The following EXOC2 variants were observed in gnomAD, a reference collection of about 807,000 sequenced individuals.
EXOC2 encodes the protein SEC5-like 1.
A neutral mutation model predicts 131.8 loss-of-function variants in EXOC2; 70 were observed. The observed-to-expected ratio is 0.53, with a 90% confidence interval of 0.44 to 0.65. EXOC2 has a LOEUF of 0.65. EXOC2 is among the 30% of genes least tolerant of loss of function. The pLI, the probability that EXOC2 is intolerant of heterozygous loss-of-function variation, is 0.00. For missense variants in EXOC2, 923 were observed against 1,108.6 expected, an observed-to-expected ratio of 0.83 and a Z score of 2.38; for synonymous variants, 411 against 398.4, an observed-to-expected ratio of 1.03 and a Z score of -0.38.
chr6:646,398 T>C (rs557420229), intron 1 of EXOC2, among the ~76,000 whole-genome samples: 33 of 152,144 alleles, frequency 2.2e-4, no homozygotes, highest in Non-Finnish European at 3.4e-4. Context: ...CTTCCTGGAG[T>C]TACTAGTCAC....
intron 23 of EXOC2, among the ~76,000 whole-genome samples, chr6:516,074 T>C (rs901021936): frequency 1.4e-4 from 21 of 152,098 alleles, no homozygotes; most frequent in South Asian, 6.2e-4. Flanking sequence ...AGTTTTCCAG[T>C]TCAAAGGAAT....
At chr6:568,986 G>T (rs548214331) in intron 13 of EXOC2, among the ~76,000 whole-genome samples, 1 of 152,276 alleles carries the variant, frequency 6.6e-6, no homozygotes, top group Admixed American at 6.5e-5. Context: ...TAGTTGTGGG[G>T]CAGACCGCTT....
chr6:569,457 A>G (rs955770717), intron 13 of EXOC2, among the ~76,000 whole-genome samples: 1 of 152,258 alleles, frequency 6.6e-6, no homozygotes, highest in Non-Finnish European at 1.5e-5. Context: ...TAATACAACA[A>G]GATAGTTTTA....
chr6:582,730 T>C (rs1758982367), intron 11 of EXOC2, among the ~76,000 whole-genome samples: 1 of 151,730 alleles, frequency 6.6e-6, no homozygotes, highest in African/African-American at 2.4e-5. Flanking sequence ...CTTCTGATTA[T>C]ACATGTATAC....
chr6:494,807 A>G (rs1763621458), intron 25 of EXOC2, among the ~76,000 whole-genome samples: 1 of 152,164 alleles, frequency 6.6e-6, no homozygotes, highest in Non-Finnish European at 1.5e-5. Context: ...TGACTGTATG[A>G]ATATATTAGT....
At position 507,527 on chromosome 6, in the gene EXOC2, C is replaced by T. The variant is rs891922191; in HGVS notation, c.2381-7827G>A. Among the ~76,000 whole-genome samples the T allele has an allele frequency of 3.9e-5, 6 of 152,234 alleles. No individual in the cohort carries two copies. In the South Asian group the frequency reaches 6.2e-4, roughly 16 times the overall value. On this transcript the variant is annotated intron_variant, in intron 23 of 27. Coordinates refer to ENST00000230449, the MANE Select transcript of EXOC2 (RefSeq NM_018303.6). ...AGCAAATGCATGAAATACAATTGTTCAGGCAAACAGCAAAGCTTACATGAG... is the reference window on the plus strand; with the variant it reads ...AGCAAATGCATGAAATACAATTGTTTAGGCAAACAGCAAAGCTTACATGAG...
chr6:608,640 C>T (rs1760553945), intron 7 of EXOC2, among the ~76,000 whole-genome samples: 1 of 152,156 alleles, frequency 6.6e-6, no homozygotes, highest in Non-Finnish European at 1.5e-5. Flanking sequence ...TCTCAAACTA[C>T]TGCTTCAAAG....
At chr6:491,287 G>A in intron 25 of EXOC2, 101 bp from the exon 26 acceptor site, 1 of 1,241,200 alleles carries the variant, frequency 8.1e-7, no homozygotes, top group Non-Finnish European at 1.2e-6. Context: ...ATCGTAGGAT[G>A]GGGTTGGCGT....
chr6:504,818 A>G (rs1398790780), intron 23 of EXOC2, among the ~76,000 whole-genome samples: 2 of 152,220 alleles, frequency 1.3e-5, no homozygotes, highest in East Asian at 3.8e-4. Flanking sequence ...AGGTGGTGAT[A>G]TAAGAAAGTG....
At chr6:596,065 C>A (rs1314823600) in intron 10 of EXOC2, among the ~76,000 whole-genome samples, 1 of 152,036 alleles carries the variant, frequency 6.6e-6, no homozygotes, top group African/African-American at 2.4e-5. Context: ...GTACAATGGG[C>A]ACCGCACAAG....
chr6:690,636 G>A (rs1764880763), intron 1 of EXOC2, among the ~76,000 whole-genome samples: 1 of 152,216 alleles, frequency 6.6e-6, no homozygotes, highest in African/African-American at 2.4e-5. Context: ...CCGGGAGGCA[G>A]AGCTTGCACT....
intron 6 of EXOC2, among the ~76,000 whole-genome samples, chr6:615,822 T>C (rs1242037030): frequency 6.6e-6 from 1 of 152,032 alleles, no homozygotes; most frequent in Non-Finnish European, 1.5e-5. Flanking sequence ...TTAAGTGAAA[T>C]GCCTGAATTT....
In EXOC2 at chr6:666,814, T is replaced by A. The variant is rs867582751; in HGVS notation, c.-44+26205A>T. Among the ~76,000 whole-genome samples, 21 of 97,430 alleles carry A rather than the reference T, an allele frequency of 2.2e-4. 6 individuals are homozygous for A. Among genetic ancestry groups the A allele is most frequent in the African/African-American group, 6.1e-4 (20 of 32,848 alleles). The allele number at this position is 97,430 out of a possible 152,430, so 63.9% of individuals were successfully genotyped here. The stretch of plus-strand genomic sequence containing the variant: ...CATTACAGTATCATACTGAATACTT[T>A]CACTGCCTTAAAAGTCCCATTTTCC... On this transcript the variant is annotated intron_variant, in intron 1 of 27. Transcript: ENST00000230449.
chr6:486,598 C>T lies in EXOC2; in HGVS notation c.*73G>A. On this transcript the variant is annotated 3_prime_UTR_variant, in exon 28 of 28. Transcript: ENST00000230449. ...AACCCAATGTTTAATACACCAAATA[C>T]CTTTAGGGTACTTAGAGAGTGAACA... 2 of 1,338,156 alleles carry T rather than the reference C, an allele frequency of 1.5e-6. No individual in the cohort carries two copies. The highest frequency in any genetic ancestry group is 1.1e-6 in the Non-Finnish European group (1 of 938,746). 82.9% of individuals were successfully genotyped at this position (1,338,156 alleles called of 1,614,324 possible).
At chr6:557,617 CAAAAAAA>C (rs59474432) in intron 17 of EXOC2, among the ~76,000 whole-genome samples, 1 of 111,194 alleles carries the variant, frequency 9.0e-6, no homozygotes, top group Non-Finnish European at 1.7e-5. Context: ...GACTTCATCT[CAAAAAAA>C]AAAAAAAAAA....
intron 1 of EXOC2, among the ~76,000 whole-genome samples, chr6:662,210 A>T (rs1386462085): frequency 6.6e-6 from 1 of 152,184 alleles, no homozygotes; most frequent in Non-Finnish European, 1.5e-5. Flanking sequence ...ATAGTGGGGG[A>T]CTTCAATACT....
At chr6:522,736 T>C (rs1331579857) in intron 23 of EXOC2, among the ~76,000 whole-genome samples, 1 of 152,098 alleles carries the variant, frequency 6.6e-6, no homozygotes, top group Non-Finnish European at 1.5e-5. Context: ...CAGCAAGGTG[T>C]CTCCAGGCCT....
At chr6:534,346 G>C (rs911559277) in intron 22 of EXOC2, among the ~76,000 whole-genome samples, 1 of 152,012 alleles carries the variant, frequency 6.6e-6, no homozygotes, top group Non-Finnish European at 1.5e-5. Flanking sequence ...AGAGTGCCAG[G>C]CTAGACTGGT....
intron 11 of EXOC2, among the ~76,000 whole-genome samples, chr6:584,291 C>T (rs1398932849): frequency 6.6e-6 from 1 of 152,036 alleles, no homozygotes; most frequent in Non-Finnish European, 1.5e-5. Context: ...ATATTAACCC[C>T]AATAATATTT....
Sources: gnomAD v4.1 joint callset for allele counts (sites outside exome capture counted in the v4.1 genomes callset) on GRCh38, gnomAD v4.1.1 for gene constraint, MANE v1.5 for transcripts, NCBI Gene and HGNC (gene_info 2026-07-23, HGNC 2026-07-21) for gene names.